The following KPNA1 variants were observed in gnomAD, a reference collection of about 807,000 sequenced individuals.
KPNA1 encodes the protein importin subunit alpha-5.
Under a neutral mutation model 70.5 loss-of-function variants are expected in KPNA1, and 10 were observed. The observed-to-expected ratio is 0.14, with a 90% CI of 0.09 to 0.24. The LOEUF (loss-of-function observed/expected upper bound fraction) is 0.24, where lower values mean the gene tolerates loss of function less well. KPNA1 is among the 10% of genes least tolerant of loss of function. The probability of loss-of-function intolerance (pLI) is 1.00; values close to 1 mark genes in which losing one functional copy is unlikely to be tolerated. For missense variants in KPNA1, 397 were observed against 637.9 expected, an observed-to-expected ratio of 0.62 and a Z score of 4.07; for synonymous variants, 192 against 221.9, an observed-to-expected ratio of 0.87 and a Z score of 1.20.
At chr3:122,502,784 A>G (rs2076843604) in intron 1 of KPNA1, among the ~76,000 whole-genome samples, 1 of 152,212 alleles carries the variant, frequency 6.6e-6, no homozygotes, top group South Asian at 2.1e-4. Context: ...GAAATATCAC[A>G]ATATGGCACA....
intron 2 of KPNA1, among the ~76,000 whole-genome samples, chr3:122,489,965 C>G (rs887688296): frequency 5.3e-5 from 8 of 152,236 alleles, no homozygotes; most frequent in African/African-American, 1.7e-4. Context: ...CCTGAATACT[C>G]TACCTAATCC....
chr3:122,480,357 G>A (rs1169493625), intron 2 of KPNA1, among the ~76,000 whole-genome samples: 3 of 152,042 alleles, frequency 2.0e-5, no homozygotes, highest in Non-Finnish European at 4.4e-5. Flanking sequence ...GACAATGCCG[G>A]AGGCTATGCA....
chr3:122,506,032 G>T (rs961146949), intron 1 of KPNA1, among the ~76,000 whole-genome samples: 4 of 152,198 alleles, frequency 2.6e-5, no homozygotes, highest in African/African-American at 7.2e-5. Flanking sequence ...GGTCCTGCAA[G>T]ATCCTTTTGT....
At chr3:122,498,655 T>C (rs963587182) in intron 1 of KPNA1, among the ~76,000 whole-genome samples, 2 of 152,236 alleles carry the variant, frequency 1.3e-5, no homozygotes, top group African/African-American at 4.8e-5. Context: ...TTACCATTGC[T>C]TCAAAATAAG....
chr3:122,452,702 G>A (rs529874356), intron 6 of KPNA1, among the ~76,000 whole-genome samples: 255 of 135,916 alleles, frequency 1.9e-3, no homozygotes, highest in African/African-American at 6.8e-3. Flanking sequence ...AGGGAGAGAC[G>A]GAGAGACGGA....
At chr3:122,490,236 CAG>C (rs2076682477) in intron 2 of KPNA1, among the ~76,000 whole-genome samples, 1 of 152,230 alleles carries the variant, frequency 6.6e-6, no homozygotes, top group African/African-American at 2.4e-5. Flanking sequence ...CTGGTCTTCA[CAG>C]ACTCTGAGCT....
Position 122,448,194 on chromosome 3 carries a change from T to C in KPNA1, c.917+1380A>G, listed in dbSNP as rs550978630. On this transcript the variant is annotated intron_variant, in intron 9 of 13. Coordinates refer to ENST00000344337, the MANE Select transcript of KPNA1 (RefSeq NM_002264.4). The stretch of plus-strand genomic sequence containing the variant: ...ACCATTGTGGAAGACAGTGTGGCGA[T>C]TCCTCAAGGATCTAGAACTAGAAAT... Among the ~76,000 whole-genome samples, 196 of 152,306 alleles carry C rather than the reference T, an allele frequency of 1.3e-3. 2 individuals are homozygous for C. Among genetic ancestry groups the C allele is most frequent in the Middle Eastern group, 6.8e-3 (2 of 294 alleles).
intron 1 of KPNA1, among the ~76,000 whole-genome samples, chr3:122,510,969 C>A (rs1035667626): frequency 6.6e-6 from 1 of 152,076 alleles, no homozygotes; most frequent in Non-Finnish European, 1.5e-5. Flanking sequence ...AGAGACTGAA[C>A]GGCTAAAACC....
Position 122,427,825 on chromosome 3 carries a change from C to A in KPNA1, c.1251-109G>T, listed in dbSNP as rs536807940. On this transcript the variant is annotated intron_variant, in intron 12 of 13. Coordinates refer to ENST00000344337, the MANE Select transcript of KPNA1 (RefSeq NM_002264.4). The stretch of plus-strand genomic sequence containing the variant: ...CACTGCAGAGACTTAAAAAAAAAAA[C>A]AAAAAACAAGCACTCTTTCAACCAT... 1.5e-3 allele frequency: 945 copies of A among 624,220 alleles called. 2 individuals are homozygous for A. The highest frequency in any genetic ancestry group is 6.6e-3 in the East Asian group (223 of 33,610). The allele number at this position is 624,220 out of a possible 1,614,324, so 38.7% of individuals were successfully genotyped here.
At position 122,426,085 on chromosome 3, in the gene KPNA1, G is replaced by T. The variant is rs183222537; in HGVS notation, c.*900C>A. 1 of 152,254 alleles carries T rather than the reference G, an allele frequency of 6.6e-6. No individual in the cohort carries two copies. Among genetic ancestry groups the T allele is most frequent in the African/African-American group, 2.4e-5 (1 of 41,442 alleles). 9.4% of individuals were successfully genotyped at this position (152,254 alleles called of 1,614,324 possible). On this transcript the variant is annotated 3_prime_UTR_variant, in exon 14 of 14. Coordinates refer to ENST00000344337, the MANE Select transcript of KPNA1 (RefSeq NM_002264.4). Reference sequence around the variant, plus strand: ...CCCTAGTTACACTGATTGCATTTGGGAAAATTGGAGGGTTTTTTCGTCCTT... The same window carrying T: ...CCCTAGTTACACTGATTGCATTTGGTAAAATTGGAGGGTTTTTTCGTCCTT...
chr3:122,460,685 A>G, intron 5 of KPNA1: 1 of 907,942 alleles, frequency 1.1e-6, no homozygotes, highest in Non-Finnish European at 1.3e-6. Context: ...TCCAGAGATT[A>G]CAAAATTTCC....
At chr3:122,462,110 C>T (rs1458288549) in intron 4 of KPNA1, among the ~76,000 whole-genome samples, 2 of 151,962 alleles carry the variant, frequency 1.3e-5, no homozygotes. Flanking sequence ...TTTATATTAA[C>T]CACGCAGGTA....
At chr3:122,501,030 C>CTTTTTTTTTTTTTTTTTTTCTTTTTT (rs112073834) in intron 1 of KPNA1, among the ~76,000 whole-genome samples, 1 of 126,872 alleles carries the variant, frequency 7.9e-6, no homozygotes. Context: ...CTTTTCTTTC[C>CTTTTTTTTTTTTTTTTTTTCTTTTTT]TTTTTTTTTT....
At position 122,440,763 on chromosome 3, in the gene KPNA1, C is replaced by T. The variant is rs182670397; in HGVS notation, c.996+1275G>A. Among the ~76,000 whole-genome samples the T allele has an allele frequency of 3.3e-5, 5 of 152,272 alleles. No homozygotes were observed. The East Asian group carries it at 9.6e-4, about 29-fold the overall frequency. On this transcript the variant is annotated intron_variant, in intron 10 of 13. Coordinates refer to ENST00000344337, the MANE Select transcript of KPNA1 (RefSeq NM_002264.4). ...GATGAATAGAGACAGAACAACAGGA[C>T]TTAGTAACTGATGATGGAGTTGGAG...
chr3:122,453,629 C>T (rs997280016), intron 6 of KPNA1, among the ~76,000 whole-genome samples: 10 of 152,074 alleles, frequency 6.6e-5, no homozygotes, highest in Admixed American at 2.0e-4. Context: ...CTCCACCTCT[C>T]GGGTTCAAGC....
chr3:122,504,083 A>G lies in KPNA1; in HGVS notation c.-5-7513T>C, dbSNP rs189179540. 3.1e-4 allele frequency among the ~76,000 whole-genome samples: 47 copies of G among 152,384 alleles called. No individual in the cohort carries two copies. The East Asian group carries it at 8.3e-3, about 27-fold the overall frequency. ...GAATGTACAACACTAAGAATGAACC[A>G]TAATGTAAACCATGGACTTAGAGTG... On this transcript the variant is annotated intron_variant, in intron 1 of 13. Transcript: ENST00000344337.
chr3:122,429,358 G>A (rs1466849884), intron 12 of KPNA1, among the ~76,000 whole-genome samples: 1 of 141,044 alleles, frequency 7.1e-6, no homozygotes, highest in Non-Finnish European at 1.5e-5. Context: ...GGCTGAGGCA[G>A]AATTGCTTGA....
intron 1 of KPNA1, among the ~76,000 whole-genome samples, chr3:122,500,915 C>T (rs1338412430): frequency 1.3e-5 from 2 of 151,682 alleles, no homozygotes; most frequent in Non-Finnish European, 2.9e-5. Context: ...TTTCACTCTA[C>T]TCTTTATTTG....
intron 1 of KPNA1, among the ~76,000 whole-genome samples, chr3:122,497,920 T>G (rs1025268068): frequency 6.6e-6 from 1 of 152,208 alleles, no homozygotes; most frequent in East Asian, 1.9e-4. Flanking sequence ...GAAGTCCAAA[T>G]TAATCTGTTT....
Sources: gnomAD v4.1 joint callset for allele counts (sites outside exome capture counted in the v4.1 genomes callset) on GRCh38, gnomAD v4.1.1 for gene constraint, MANE v1.5 for transcripts, NCBI Gene and HGNC (gene_info 2026-07-23, HGNC 2026-07-21) for gene names.